The following FGF1 variants were observed in gnomAD, a reference collection of about 807,000 sequenced individuals.
FGF1 encodes fibroblast growth factor 1, also known as beta-endothelial cell growth factor.
In FGF1, 9 loss-of-function variants were observed where a neutral mutation model predicts 13.4. That is an observed-to-expected ratio of 0.67 (90% CI 0.40 to 1.17). The LOEUF is 1.17. Among genes scored for constraint, FGF1 ranks in the 50% most tolerant of loss-of-function variants. The probability of loss-of-function intolerance (pLI) is 0.01; values close to 1 mark genes in which losing one functional copy is unlikely to be tolerated. For synonymous variants in FGF1, 93 were observed against 79.0 expected, an observed-to-expected ratio of 1.18 and a Z score of -0.94; for missense variants, 156 against 192.7, an observed-to-expected ratio of 0.81 and a Z score of 1.13.
chr5:142,638,111 G>C (rs1348755840), intron 1 of FGF1, among the ~76,000 whole-genome samples: 3 of 152,006 alleles, frequency 2.0e-5, no homozygotes, highest in African/African-American at 7.3e-5. Flanking sequence ...CCTGAGGACA[G>C]CTGGTGACCC....
At chr5:142,647,214 A>G (rs1240318806) in intron 1 of FGF1, among the ~76,000 whole-genome samples, 1 of 152,240 alleles carries the variant, frequency 6.6e-6, no homozygotes, top group Non-Finnish European at 1.5e-5. Flanking sequence ...CAGAGCATAA[A>G]TTTGTGAAGT....
chr5:142,615,862 G>C (rs1309892717), intron 1 of FGF1, among the ~76,000 whole-genome samples: 1 of 152,198 alleles, frequency 6.6e-6, no homozygotes, highest in African/African-American at 2.4e-5. Flanking sequence ...TTTTTATGAG[G>C]AGTGGGGTTT....
chr5:142,656,287 T>G (rs77037042), intron 1 of FGF1, among the ~76,000 whole-genome samples: 1,990 of 151,750 alleles, frequency 0.013, 51 homozygotes, highest in African/African-American at 0.044. Context: ...ACCTGGTCCA[T>G]CTTATCAGGT....
At chr5:142,653,479 C>T (rs753727805) in intron 1 of FGF1, among the ~76,000 whole-genome samples, 3 of 152,198 alleles carry the variant, frequency 2.0e-5, no homozygotes, top group South Asian at 4.1e-4. Flanking sequence ...CCAGTCTCCC[C>T]TTCTAGCTTT....
chr5:142,644,013 C>T (rs2151956327), intron 1 of FGF1: 1 of 152,358 alleles, frequency 6.6e-6, no homozygotes, highest in East Asian at 1.9e-4. Flanking sequence ...CCCGACTTAG[C>T]TAGGCTCTGT....
At chr5:142,627,145 T>A (rs1227819657) in intron 1 of FGF1, 1 of 152,220 alleles carries the variant, frequency 6.6e-6, no homozygotes, top group Admixed American at 6.5e-5. Flanking sequence ...TGATAGCAGT[T>A]GGGGTTTCAC....
chr5:142,659,226 C>T (rs960558696), intron 1 of FGF1, among the ~76,000 whole-genome samples: 8 of 136,998 alleles, frequency 5.8e-5, no homozygotes, highest in Admixed American at 4.4e-4. Flanking sequence ...CCAGATCTTG[C>T]GTCAGTTTTT....
intron 3 of FGF1, among the ~76,000 whole-genome samples, chr5:142,600,091 T>C (rs374879542): frequency 7.2e-5 from 11 of 152,304 alleles, no homozygotes; most frequent in African/African-American, 2.6e-4. Flanking sequence ...AGAAACATTT[T>C]TGGGCTGTGT....
At chr5:142,653,984 C>A (rs1209360038) in intron 1 of FGF1, among the ~76,000 whole-genome samples, 1 of 152,142 alleles carries the variant, frequency 6.6e-6, no homozygotes, top group Admixed American at 6.5e-5. Context: ...CCCGGCTACT[C>A]GGGAGGCTGA....
intron 2 of FGF1, among the ~76,000 whole-genome samples, chr5:142,608,758 C>A (rs1597094198): frequency 2.1e-5 from 3 of 143,182 alleles, no homozygotes; most frequent in African/African-American, 7.6e-5. Context: ...AGTATATATA[C>A]ACATATATAT....
intron 1 of FGF1, among the ~76,000 whole-genome samples, chr5:142,684,913 G>C (rs1233841367): frequency 6.0e-5 from 9 of 150,700 alleles, no homozygotes; most frequent in Non-Finnish European, 1.2e-4. Context: ...AAAAGTGCCA[G>C]TCACCAGTGC....
At chr5:142,667,334 C>T (rs1332046983) in intron 1 of FGF1, among the ~76,000 whole-genome samples, 1 of 151,462 alleles carries the variant, frequency 6.6e-6, no homozygotes, top group Non-Finnish European at 1.5e-5. Flanking sequence ...CGCCTGTAAT[C>T]CCAGCACTTT....
intron 1 of FGF1, chr5:142,627,328 C>G (rs1762618714): frequency 6.6e-6 from 1 of 152,168 alleles, no homozygotes; most frequent in South Asian, 2.1e-4. Context: ...GGACAGCTTA[C>G]CAAAGCAAAT....
rs369158953 is a variant in FGF1, at chr5:142,675,759, A to G, written c.-35+10198T>C. On this transcript the variant is annotated intron_variant, in intron 1 of 3. Transcript: ENST00000337706. ...CAGCCAAAATGCAAAATGGCTGTGC[A>G]ATTTACCACCTATAATAGCCTGTCC... Among the ~76,000 whole-genome samples, 53 of 152,312 alleles carry G rather than the reference A, an allele frequency of 3.5e-4. No individual in the cohort carries two copies. In the East Asian group the frequency reaches 6.2e-3, roughly 18 times the overall value.
upstream of FGF1, among the ~76,000 whole-genome samples, chr5:142,690,383 C>T (rs1021099586): frequency 1.8e-4 from 27 of 152,088 alleles, no homozygotes; most frequent in African/African-American, 6.0e-4. Flanking sequence ...TTACTTAAAA[C>T]GAACACTCTG....
rs1755001651 is a variant in FGF1, at chr5:142,595,234, C to T, written c.*56G>A. 6.7e-7 allele frequency: 1 copy of T among 1,488,374 alleles called. No homozygotes were observed. Among genetic ancestry groups the T allele is most frequent in the Admixed American group, 2.0e-5 (1 of 50,714 alleles). The allele number at this position is 1,488,374 out of a possible 1,614,324, so 92.2% of individuals were successfully genotyped here. A position where few individuals can be genotyped will look rare whatever the true frequency, so the allele number is the denominator to read the frequency against. On this transcript the variant is annotated 3_prime_UTR_variant, in exon 4 of 4. Coordinates refer to ENST00000337706, the MANE Select transcript of FGF1 (RefSeq NM_000800.5). ...GTCAAGGGAACATTTTTGGGTCAAC[C>T]AGGTGAGGACCCCTCGAAACTTCTC...
At position 142,594,716 on chromosome 5, in the gene FGF1, TC is replaced by T. The variant is rs898171891; in HGVS notation, c.*573del. The T allele has an allele frequency of 3.3e-5, 5 of 152,316 alleles. No homozygotes were observed. The highest frequency in any genetic ancestry group is 1.2e-4 in the African/African-American group (5 of 41,458). 9.4% of individuals were successfully genotyped at this position (152,316 alleles called of 1,614,324 possible). On this transcript the variant is annotated 3_prime_UTR_variant, in exon 4 of 4. Transcript: ENST00000337706. ...TCATTTATTCTACATGGAGATGCCA[TC>T]CTTCTAAGTTACCCACCAAAATCCA...
At chr5:142,680,282 T>C (rs533330705) in intron 1 of FGF1, among the ~76,000 whole-genome samples, 3 of 152,214 alleles carry the variant, frequency 2.0e-5, no homozygotes, top group African/African-American at 4.8e-5. Context: ...CTTCGACTCA[T>C]TGAATGAAAT....
chr5:142,659,231 GTTT>G (rs11340338), intron 1 of FGF1, among the ~76,000 whole-genome samples: 4 of 131,344 alleles, frequency 3.0e-5, no homozygotes, highest in South Asian at 2.4e-4. Flanking sequence ...TCTTGCGTCA[GTTT>G]TTTTTTTTTT....
Sources: gnomAD v4.1 joint callset for allele counts (sites outside exome capture counted in the v4.1 genomes callset) on GRCh38, gnomAD v4.1.1 for gene constraint, MANE v1.5 for transcripts, NCBI Gene and HGNC (gene_info 2026-07-23, HGNC 2026-07-21) for gene names.